The following ZNF704 variants were observed in gnomAD, a reference collection of about 807,000 sequenced individuals.
The protein encoded by ZNF704 is zinc finger protein 704.
In ZNF704, 10 loss-of-function variants were observed where a neutral mutation model predicts 44.7. The ratio of observed to expected loss-of-function variants is 0.22; its 90% confidence interval spans 0.14 to 0.38. ZNF704 has a LOEUF of 0.38. Ranked by LOEUF, ZNF704 falls within the 10% of genes least tolerant of loss-of-function variation. The probability of loss-of-function intolerance (pLI) is 1.00; values close to 1 mark genes in which losing one functional copy is unlikely to be tolerated. For synonymous variants in ZNF704, 211 were observed against 207.6 expected (o/e 1.02, Z -0.14); for missense variants, 390 against 545.5 (o/e 0.71, Z 2.84).
At chr8:80,655,469 A>C (rs1177999916) in intron 7 of ZNF704, among the ~76,000 whole-genome samples, 1 of 152,148 alleles carries the variant, frequency 6.6e-6, no homozygotes, top group African/African-American at 2.4e-5. Flanking sequence ...AATCAATCCT[A>C]AATAGGGAGG....
chr8:80,852,434 C>A (rs1357637361), intron 1 of ZNF704, among the ~76,000 whole-genome samples: 1 of 152,192 alleles, frequency 6.6e-6, no homozygotes, highest in Non-Finnish European at 1.5e-5. Flanking sequence ...TTGCCAATTT[C>A]TCTAAAATGC....
chr8:80,710,997 A>G (rs1281037604), intron 2 of ZNF704, among the ~76,000 whole-genome samples: 1 of 152,166 alleles, frequency 6.6e-6, no homozygotes, highest in African/African-American at 2.4e-5. Context: ...CATAGGGCTA[A>G]TTCTTCCGGG....
chr8:80,872,188 A>G (rs1009668585), intron 1 of ZNF704, among the ~76,000 whole-genome samples: 1 of 152,232 alleles, frequency 6.6e-6, no homozygotes, highest in Non-Finnish European at 1.5e-5. Flanking sequence ...TATATCTTGT[A>G]GCCATACAAT....
At chr8:80,698,445 T>A (rs1818758871) in intron 2 of ZNF704, among the ~76,000 whole-genome samples, 1 of 152,090 alleles carries the variant, frequency 6.6e-6, no homozygotes, top group Non-Finnish European at 1.5e-5. Context: ...TGCAGTGTGC[T>A]TGGGAGGGGC....
intron 2 of ZNF704, among the ~76,000 whole-genome samples, chr8:80,740,829 A>G (rs184235841): frequency 1.1e-4 from 17 of 152,320 alleles, no homozygotes; most frequent in African/African-American, 3.8e-4. Context: ...GCCAGGCATT[A>G]GCCCAAGACT....
At chr8:80,698,452 G>C (rs566583765) in intron 2 of ZNF704, among the ~76,000 whole-genome samples, 2 of 152,088 alleles carry the variant, frequency 1.3e-5, no homozygotes, top group African/African-American at 4.8e-5. Flanking sequence ...TGCTTGGGAG[G>C]GGCAGCCCAG....
intron 1 of ZNF704, among the ~76,000 whole-genome samples, chr8:80,861,876 A>G (rs1389285053): frequency 6.6e-6 from 1 of 151,648 alleles, no homozygotes; most frequent in Non-Finnish European, 1.5e-5. Flanking sequence ...TCTCCTTTCA[A>G]TCTGAATCTT....
Position 80,641,110 on chromosome 8 carries a change from C to CT in ZNF704, c.*255dup. The CT allele has an allele frequency of 3.6e-6, 1 of 277,672 alleles. No homozygotes were observed. Among genetic ancestry groups the CT allele is most frequent in the Middle Eastern group, 1.0e-3 (1 of 966 alleles). 17.2% of individuals were successfully genotyped at this position (277,672 alleles called of 1,614,324 possible). Reference sequence around the variant, plus strand: ...CTAGACATACAGCAAAAAAAGTTGACTTTTCTTTTGAAGGAAAAAAAACTA... The same window carrying CT: ...CTAGACATACAGCAAAAAAAGTTGACTTTTTCTTTTGAAGGAAAAAAAACTA... On this transcript the variant is annotated 3_prime_UTR_variant, in exon 9 of 9. Transcript: ENST00000327835.
chr8:80,771,301 C>CTAT (rs61252871), intron 2 of ZNF704, among the ~76,000 whole-genome samples: 12,975 of 152,110 alleles, frequency 0.085, 626 homozygotes, highest in African/African-American at 0.12. Context: ...TGAGAATTGA[C>CTAT]TATTATTACT....
At chr8:80,651,234 G>A (rs1347917396) in intron 7 of ZNF704, among the ~76,000 whole-genome samples, 3 of 152,084 alleles carry the variant, frequency 2.0e-5, no homozygotes, top group African/African-American at 7.2e-5. Flanking sequence ...AAAGACCATC[G>A]AGGCTAGGAA....
chr8:80,766,793 A>G (rs1001240689), intron 2 of ZNF704, among the ~76,000 whole-genome samples: 1 of 152,062 alleles, frequency 6.6e-6, no homozygotes, highest in African/African-American at 2.4e-5. Context: ...GCTCATTGCA[A>G]CCTTTGCCTC....
At chr8:80,664,737 T>C (rs965220526) in intron 6 of ZNF704, 78 bp downstream of exon 6, 44 of 1,566,402 alleles carry the variant, frequency 2.8e-5, no homozygotes, top group Non-Finnish European at 3.8e-5. Context: ...CACTGAGTTG[T>C]CTTTTACTCA....
At chr8:80,746,299 G>GA (rs1172839003) in intron 2 of ZNF704, among the ~76,000 whole-genome samples, 1 of 152,158 alleles carries the variant, frequency 6.6e-6, no homozygotes, top group African/African-American at 2.4e-5. Context: ...ACCATCTGAA[G>GA]AGAAAGCACA....
chr8:80,794,351 T>C (rs924562716), intron 2 of ZNF704, among the ~76,000 whole-genome samples: 2 of 152,198 alleles, frequency 1.3e-5, no homozygotes, highest in African/African-American at 4.8e-5. Flanking sequence ...CATTCACAGT[T>C]TGATTTTAAT....
At chr8:80,696,693 C>T (rs1818730932) in intron 2 of ZNF704, among the ~76,000 whole-genome samples, 2 of 152,220 alleles carry the variant, frequency 1.3e-5, no homozygotes, top group Non-Finnish European at 2.9e-5. Context: ...GCTGGGATTA[C>T]AGGCGTGAGC....
intron 2 of ZNF704, among the ~76,000 whole-genome samples, chr8:80,797,381 G>T (rs1157499399): frequency 1.3e-5 from 2 of 152,150 alleles, no homozygotes; most frequent in African/African-American, 4.8e-5. Context: ...CTCCGCCCCT[G>T]CAAAAAGTCT....
intron 1 of ZNF704, among the ~76,000 whole-genome samples, chr8:80,838,851 G>A (rs890387271): frequency 6.6e-6 from 1 of 151,612 alleles, no homozygotes; most frequent in African/African-American, 2.4e-5. Context: ...AGGAAGAGGG[G>A]AGCAGACCCC....
At position 80,664,938 on chromosome 8, in the gene ZNF704, G is replaced by C; in HGVS notation, c.804C>G (p.Phe268Leu). The change falls in exon 6 of 9, where the codon TTC becomes TTG. Residue 268 changes from phenylalanine (F) to leucine (L), a missense_variant. Phe to Leu is a conservative substitution (Grantham distance 22). Coordinates refer to ENST00000327835, the MANE Select transcript of ZNF704 (RefSeq NM_001033723.3). ...PSQSLASPPT[F>L]PIPDSSRTET... ...CTGTTCGGCTTGAATCTGGGATGGG[G>C]AAAGTAGGAGGTGAAGCCAGGGACT... The C allele has an allele frequency of 6.2e-7, 1 of 1,614,202 alleles. No homozygotes were observed. Among genetic ancestry groups the C allele is most frequent in the Non-Finnish European group, 8.5e-7 (1 of 1,180,034 alleles).
At chr8:80,669,004 A>T (rs1322228569) in intron 5 of ZNF704, among the ~76,000 whole-genome samples, 4 of 152,266 alleles carry the variant, frequency 2.6e-5, no homozygotes, top group African/African-American at 7.2e-5. Flanking sequence ...GCACATCAGG[A>T]AAAAGGGGAT....
Sources: gnomAD v4.1 joint callset for allele counts (sites outside exome capture counted in the v4.1 genomes callset) on GRCh38, gnomAD v4.1.1 for gene constraint, MANE v1.5 for transcripts, NCBI Gene and HGNC (gene_info 2026-07-23, HGNC 2026-07-21) for gene names.